NAPB: variants seen among roughly 807,000 people sequenced by gnomAD.
NAPB encodes the protein beta-soluble NSF attachment protein.
NAPB carries 26 observed loss-of-function variants against 44.7 expected under a neutral mutation model. The ratio of observed to expected loss-of-function variants is 0.58; its 90% confidence interval spans 0.43 to 0.81. The LOEUF is 0.81. Ranked by LOEUF, NAPB falls within the 30% of genes least tolerant of loss-of-function variation. NAPB has a pLI of 0.00. For synonymous variants in NAPB, 120 were observed against 116.8 expected (o/e 1.03, Z -0.18); for missense variants, 315 against 356.4 (o/e 0.88, Z 0.94).
intron 1 of NAPB, among the ~76,000 whole-genome samples, chr20:23,416,765 G>A (rs1359135060): frequency 6.6e-6 from 1 of 152,070 alleles, no homozygotes; most frequent in African/African-American, 2.4e-5. Flanking sequence ...TTGTAACTGA[G>A]GAAAACCTAA....
chr20:23,415,971 AATAAATAC>A (rs1356957801), intron 1 of NAPB, among the ~76,000 whole-genome samples: 1 of 152,216 alleles, frequency 6.6e-6, no homozygotes, highest in African/African-American at 2.4e-5. Context: ...GTCTCAAAAA[AATAAATAC>A]ATAAATAAAA....
intron 7 of NAPB, among the ~76,000 whole-genome samples, chr20:23,382,561 G>A (rs995129887): frequency 6.6e-6 from 1 of 151,322 alleles, no homozygotes; most frequent in Non-Finnish European, 1.5e-5. Context: ...AATAACACCT[G>A]AAGCTAATGG....
At chr20:23,396,598 T>C (rs1984382882) in intron 3 of NAPB, 1 of 152,174 alleles carries the variant, frequency 6.6e-6, no homozygotes, top group African/African-American at 2.4e-5. Context: ...TTTGAAAAAC[T>C]TTTTAAAAAA....
chr20:23,397,775 T>G (rs1209923546), intron 2 of NAPB, among the ~76,000 whole-genome samples: 1 of 152,216 alleles, frequency 6.6e-6, no homozygotes, highest in Non-Finnish European at 1.5e-5. Flanking sequence ...TTATATGAGG[T>G]TTAATCTATT....
At chr20:23,419,501 G>A (rs1389598325) in intron 1 of NAPB, among the ~76,000 whole-genome samples, 2 of 152,192 alleles carry the variant, frequency 1.3e-5, no homozygotes, top group Admixed American at 6.5e-5. Flanking sequence ...GTGCTGTCAA[G>A]CTTTTTCCTC....
chr20:23,409,221 G>A (rs756164735), intron 1 of NAPB, among the ~76,000 whole-genome samples: 1 of 152,146 alleles, frequency 6.6e-6, no homozygotes, highest in African/African-American at 2.4e-5. Context: ...TGAGCTTTTG[G>A]AATCAATTTT....
At chr20:23,404,739 T>C (rs1027044129) in intron 1 of NAPB, among the ~76,000 whole-genome samples, 4 of 152,224 alleles carry the variant, frequency 2.6e-5, no homozygotes, top group Non-Finnish European at 5.9e-5. Flanking sequence ...AATATTACAT[T>C]GTATGTCTCA....
At chr20:23,384,477 G>A (rs991931654) in intron 7 of NAPB, among the ~76,000 whole-genome samples, 6 of 151,918 alleles carry the variant, frequency 3.9e-5, no homozygotes, top group Admixed American at 3.9e-4. Flanking sequence ...ATAGCCAGGT[G>A]TGGTGGTGCA....
intron 7 of NAPB, among the ~76,000 whole-genome samples, chr20:23,384,868 C>T (rs1261902733): frequency 1.3e-5 from 2 of 152,060 alleles, no homozygotes; most frequent in East Asian, 3.9e-4. Flanking sequence ...GCCTGCAATC[C>T]CAGCACTTTG....
chr20:23,421,213 G>A (rs943464171), intron 1 of NAPB, 92 bp downstream of exon 1: 2 of 1,130,570 alleles, frequency 1.8e-6, no homozygotes, highest in Admixed American at 2.4e-5. Context: ...GGCCCCAGAG[G>A]TTGCGTGGGG....
At position 23,390,067 on chromosome 20, in the gene NAPB, C is replaced by T. The variant is rs573289304; in HGVS notation, c.477-37G>A. On this transcript the variant is annotated intron_variant, in intron 6 of 10. Coordinates refer to ENST00000377026, the MANE Select transcript of NAPB (RefSeq NM_022080.3). ...AACCAAAGCAGAGTGAGTAACAAGTCAATGGAAAAATAAAAGATGTGCACT... is the reference window on the plus strand; with the variant it reads ...AACCAAAGCAGAGTGAGTAACAAGTTAATGGAAAAATAAAAGATGTGCACT... The T allele has an allele frequency of 3.1e-6, 5 of 1,605,758 alleles. No individual in the cohort carries two copies. In the East Asian group the frequency reaches 8.9e-5, roughly 29 times the overall value.
chr20:23,385,557 C>A (rs149487272), intron 7 of NAPB, among the ~76,000 whole-genome samples: 13 of 152,036 alleles, frequency 8.6e-5, no homozygotes, highest in African/African-American at 2.9e-4. Flanking sequence ...GCCAGGAATT[C>A]GAGACCAGCC....
At position 23,376,796 on chromosome 20, in the gene NAPB, C is replaced by G. The variant is rs946580647; in HGVS notation, c.*580G>C. The G allele has an allele frequency of 6.6e-6, 1 of 152,100 alleles. No individual in the cohort carries two copies. The highest frequency in any genetic ancestry group is 1.5e-5 in the Non-Finnish European group (1 of 68,042). The allele number at this position is 152,100 out of a possible 1,614,324, so 9.4% of individuals were successfully genotyped here. On this transcript the variant is annotated 3_prime_UTR_variant, in exon 11 of 11. Transcript: ENST00000377026. ...TCCTCACAATGTGATGCCTACAGAC[C>G]CTGGCTATTCTAAATTTTTGCCATG...
Position 23,376,180 on chromosome 20 carries a change from G to A in NAPB, c.*1196C>T, listed in dbSNP as rs1218699755. Reference sequence around the variant, plus strand: ...ATAAATATTCAGAGGACATTCAGGAGACAAGCGTATGTCTAAAGTACAATA... The same window carrying A: ...ATAAATATTCAGAGGACATTCAGGAAACAAGCGTATGTCTAAAGTACAATA... On this transcript the variant is annotated 3_prime_UTR_variant, in exon 11 of 11. Coordinates refer to ENST00000377026, the MANE Select transcript of NAPB (RefSeq NM_022080.3). The A allele has an allele frequency of 1.3e-5, 2 of 152,162 alleles. No homozygotes were observed. Among genetic ancestry groups the A allele is most frequent in the African/African-American group, 2.4e-5 (1 of 41,424 alleles). The allele number at this position is 152,162 out of a possible 1,614,324, so 9.4% of individuals were successfully genotyped here. A position where few individuals can be genotyped will look rare whatever the true frequency, so the allele number is the denominator to read the frequency against.
intron 10 of NAPB, among the ~76,000 whole-genome samples, chr20:23,378,340 T>A (rs763217035): frequency 1.3e-5 from 2 of 149,032 alleles, no homozygotes; most frequent in African/African-American, 4.9e-5. Flanking sequence ...TATAAAAACA[T>A]TTTTTTTTGC....
At chr20:23,411,422 A>G (rs1985646757) in intron 1 of NAPB, among the ~76,000 whole-genome samples, 1 of 152,224 alleles carries the variant, frequency 6.6e-6, no homozygotes, top group South Asian at 2.1e-4. Flanking sequence ...GGGGGAAAAA[A>G]GTGTGAGCCA....
At chr20:23,388,891 T>C (rs897994721) in intron 7 of NAPB, among the ~76,000 whole-genome samples, 2 of 151,650 alleles carry the variant, frequency 1.3e-5, no homozygotes, top group African/African-American at 4.8e-5. Context: ...AAAGAAAAAA[T>C]AGACAAACTG....
chr20:23,380,338 A>C (rs1055365880), intron 8 of NAPB, among the ~76,000 whole-genome samples: 4 of 151,856 alleles, frequency 2.6e-5, no homozygotes, highest in African/African-American at 9.7e-5. Context: ...TGCTCTTCCA[A>C]CTCCAGACAC....
rs201230500 is a variant in NAPB, at chr20:23,390,025, G to A, written c.482C>T (p.Ala161Val). 6.2e-7 allele frequency: 1 copy of A among 1,613,778 alleles called. No individual in the cohort carries two copies. Among genetic ancestry groups the A allele is most frequent in the African/African-American group, 1.3e-5 (1 of 74,916 alleles). The change falls in exon 7 of 11, where the codon GCA becomes GTA. Residue 161 changes from alanine to valine, a missense_variant. Around this residue, in one of 3 missense-constraint regions of NAPB, gnomAD observed 16 missense variants for 43.4 expected, o/e 0.37. Coordinates refer to ENST00000377026, the MANE Select transcript of NAPB (RefSeq NM_022080.3). ...TGCCACCTTCAGCAGACACTTGTTT[G>A]CTGAGCTGAAATCAAGAACCAAAGC... ...YYKGEESNSS[A>V]NKCLLKVAAY...
Sources: gnomAD v4.1 joint callset for allele counts (sites outside exome capture counted in the v4.1 genomes callset) on GRCh38, gnomAD v4.1.1 for gene constraint, gnomAD v4.1.1 regional missense constraint, MANE v1.5 for transcripts, NCBI Gene and HGNC (gene_info 2026-07-23, HGNC 2026-07-21) for gene names.